PTPRA: variants seen among roughly 807,000 people sequenced by gnomAD.
The protein encoded by PTPRA is protein tyrosine phosphatase receptor type A, also known as receptor-type tyrosine-protein phosphatase alpha.
Under a neutral mutation model 104.8 loss-of-function variants are expected in PTPRA, and 25 were observed. The ratio of observed to expected loss-of-function variants is 0.24; its 90% CI spans 0.17 to 0.33. The LOEUF (loss-of-function observed/expected upper bound fraction) is 0.33. PTPRA is among the 10% of genes least tolerant of loss of function. PTPRA has a pLI of 1.00. For synonymous variants in PTPRA, 323 were observed against 368.9 expected (o/e 0.88, Z 1.43); for missense variants, 765 against 1,015.3 (o/e 0.75, Z 3.35).
chr20:3,011,782 G>A (rs34499110), intron 11 of PTPRA, among the ~76,000 whole-genome samples: 11 of 152,088 alleles, frequency 7.2e-5, no homozygotes, highest in African/African-American at 2.7e-4. Flanking sequence ...AAGATACTGG[G>A]TACCTTAACA....
rs531575619 is a variant in PTPRA, at chr20:2,988,262, A to G, written c.602-76A>G. The stretch of plus-strand genomic sequence containing the variant: ...TTCTTACAGGCTTGGTCCATGAGGT[A>G]GAACCCCGTTTAGCCTCCAGAAGAG... On this transcript the variant is annotated intron_variant, in intron 8 of 23. Transcript: ENST00000399903. 8.4e-6 allele frequency: 13 copies of G among 1,555,722 alleles called. No individual in the cohort carries two copies. In the South Asian group the frequency reaches 8.6e-5, roughly 10 times the overall value.
At chr20:2,954,546 G>T (rs1179610815) in intron 3 of PTPRA, among the ~76,000 whole-genome samples, 1 of 152,128 alleles carries the variant, frequency 6.6e-6, no homozygotes, top group African/African-American at 2.4e-5. Context: ...TAAAAATTAG[G>T]TTGTTTTTGT....
At chr20:2,913,429 G>T (rs1053871226) in intron 1 of PTPRA, among the ~76,000 whole-genome samples, 1 of 152,064 alleles carries the variant, frequency 6.6e-6, no homozygotes. Context: ...AGTACTACCA[G>T]CTTATCTTCA....
intron 8 of PTPRA, 82 bp downstream of exon 8, chr20:2,988,187 A>G: frequency 6.6e-7 from 1 of 1,512,296 alleles, no homozygotes; most frequent in South Asian, 1.2e-5. Flanking sequence ...CTTTTAAAAG[A>G]ATAAGACAAT....
rs533589411 is a variant in PTPRA at position 2,963,411 on chromosome 20, G to T, written c.-6-861G>T. ...GGGGTCAGGAGTTTGAGACCAGCGT[G>T]ACCAACATGGAGAAACCCCATCTCT... is the stretch of plus-strand genomic sequence containing the variant. On this transcript the variant is annotated intron_variant, in intron 3 of 23. Coordinates refer to ENST00000399903, the MANE Select transcript of PTPRA (RefSeq NM_001385305.1). Among the ~76,000 whole-genome samples, 3 of 152,186 alleles carry T rather than the reference G, an allele frequency of 2.0e-5. No homozygotes were observed. In the South Asian group the frequency reaches 6.2e-4, roughly 32 times the overall value.
chr20:3,020,096 G>A (rs1568701242), intron 13 of PTPRA, among the ~76,000 whole-genome samples: 2 of 152,026 alleles, frequency 1.3e-5, no homozygotes, highest in Admixed American at 1.3e-4. Flanking sequence ...GTGGGGAGAG[G>A]GAGAGGGAGA....
At chr20:2,909,057 G>A (rs1369219071) in intron 1 of PTPRA, among the ~76,000 whole-genome samples, 1 of 152,022 alleles carries the variant, frequency 6.6e-6, no homozygotes, top group African/African-American at 2.4e-5. Flanking sequence ...TACCAATTAT[G>A]GATAACCAGA....
chr20:2,867,311 T>TG, the PTPRA span, among the ~76,000 whole-genome samples: 1 of 152,194 alleles, frequency 6.6e-6, no homozygotes, highest in Non-Finnish European at 1.5e-5. Flanking sequence ...GTGGTGGCCT[T>TG]TGGAACTCTT....
chr20:2,875,379 A>C (rs2089652623), intron 1 of PTPRA, among the ~76,000 whole-genome samples: 1 of 152,164 alleles, frequency 6.6e-6, no homozygotes, highest in Admixed American at 6.5e-5. Flanking sequence ...GACCTGGCTG[A>C]TACCGTGCAT....
intron 1 of PTPRA, among the ~76,000 whole-genome samples, chr20:2,915,846 C>A (rs946534718): frequency 2.6e-5 from 4 of 152,050 alleles, no homozygotes; most frequent in Non-Finnish European, 5.9e-5. Context: ...TAGCCTATGG[C>A]GTGTGCCTGT....
In PTPRA at chr20:3,022,040, T is replaced by G; in HGVS notation, c.1162-14T>G. On this transcript the variant is annotated splice_polypyrimidine_tract_variant and intron_variant, in intron 14 of 23. Coordinates refer to ENST00000399903, the MANE Select transcript of PTPRA (RefSeq NM_001385305.1). This position sits in a 1 kb window ranked among gnomAD's most constrained non-coding sequence, Gnocchi z 4.6. ...GGTATCAGGGCCAACACACAGGATC[T>G]CCTCACTTCACAGGTGGGCGACATG... The G allele has an allele frequency of 6.2e-7, 1 of 1,613,912 alleles. No homozygotes were observed. The highest frequency in any genetic ancestry group is 8.5e-7 in the Non-Finnish European group (1 of 1,179,862).
Position 2,965,101 on chromosome 20 carries a change from G to A in PTPRA, c.314G>A (p.Gly105Glu). 1 of 1,614,116 alleles carries A rather than the reference G, an allele frequency of 6.2e-7. No homozygotes were observed. Among genetic ancestry groups the A allele is most frequent in the Non-Finnish European group, 8.5e-7 (1 of 1,180,002 alleles). Residue 105 changes from glycine (G) to glutamate (E), a missense_variant, in exon 5 of 24, where the codon GGA becomes GAA. Physicochemically the swap from Gly to Glu is moderately conservative, Grantham distance 98. Transcript: ENST00000399903. ...ATAGGCATTACAATTTCACCAAATG[G>A]AACGTGGCTTCCAGATAACCAGTTC... Reference protein sequence around the residue: ...NSIGITISPNGTWLPDNQFTD... With the variant: ...NSIGITISPNETWLPDNQFTD...
At chr20:2,957,481 A>G (rs2061579820) in intron 3 of PTPRA, among the ~76,000 whole-genome samples, 1 of 152,226 alleles carries the variant, frequency 6.6e-6, no homozygotes, top group African/African-American at 2.4e-5. Context: ...TGCCATGGAG[A>G]GACAACTCTT....
intron 1 of PTPRA, among the ~76,000 whole-genome samples, chr20:2,916,662 G>A (rs968530624): frequency 2.0e-5 from 3 of 151,948 alleles, no homozygotes; most frequent in Non-Finnish European, 4.4e-5. Context: ...CTCTGATTGT[G>A]CCACTGCACT....
At chr20:3,006,893 G>C (rs1381617176) in intron 10 of PTPRA, among the ~76,000 whole-genome samples, 3 of 152,150 alleles carry the variant, frequency 2.0e-5, no homozygotes, top group African/African-American at 7.2e-5. Flanking sequence ...GCCTCCTGAA[G>C]TGCTAGGATT....
chr20:3,009,439 A>G (rs1036534505), intron 11 of PTPRA, among the ~76,000 whole-genome samples: 8 of 152,304 alleles, frequency 5.3e-5, no homozygotes, highest in African/African-American at 1.4e-4. Context: ...GGAATAAACA[A>G]CTATTCCTAA....
Position 3,037,032 on chromosome 20 carries a change from T to G in PTPRA, c.2199-122T>G. The G allele has an allele frequency of 7.2e-7, 1 of 1,386,906 alleles. No individual in the cohort carries two copies. 85.9% of individuals were successfully genotyped at this position (1,386,906 alleles called of 1,614,324 possible). A position where few individuals can be genotyped will look rare whatever the true frequency, so the allele number is the denominator to read the frequency against. On this transcript the variant is annotated intron_variant, in intron 22 of 23. Coordinates refer to ENST00000399903, the MANE Select transcript of PTPRA (RefSeq NM_001385305.1). This position sits in a 1 kb window ranked among gnomAD's most constrained non-coding sequence, Gnocchi z 4.3. ...CCCAGAACCCCTCCAGGCTGGTGGG[T>G]CCACAGGGCAAAGGCGAGCACCAGC...
chr20:3,016,011 G>A (rs944265964), intron 12 of PTPRA, 126 bp downstream of exon 12: 2 of 904,338 alleles, frequency 2.2e-6, no homozygotes, highest in Non-Finnish European at 3.4e-6. Flanking sequence ...TTTACCACCT[G>A]AAAGAATTAT....
chr20:2,964,460 T>C, intron 4 of PTPRA, 110 bp downstream of exon 4: 2 of 961,380 alleles, frequency 2.1e-6, no homozygotes, highest in Middle Eastern at 2.5e-4. Context: ...TATAAAAATT[T>C]TATTCAAAGT....
Sources: allele counts gnomAD v4.1 joint callset (sites outside exome capture counted in the v4.1 genomes callset), GRCh38; gene constraint gnomAD v4.1.1; non-coding constraint Gnocchi (gnomAD v3.1); transcripts MANE v1.5; gene names NCBI Gene and HGNC (gene_info 2026-07-23, HGNC 2026-07-21).